UNC45B: variants seen among roughly 807,000 people sequenced by gnomAD.
The protein encoded by UNC45B is protein unc-45 homolog B.
In UNC45B, 78 loss-of-function variants were observed where a neutral mutation model predicts 98.7. The ratio of observed to expected loss-of-function variants is 0.79; its 90% CI spans 0.66 to 0.95. The LOEUF (loss-of-function observed/expected upper bound fraction) is 0.95. Ranked by LOEUF, UNC45B falls within the 40% of genes least tolerant of loss-of-function variation. UNC45B has a pLI of 0.00. For missense variants in UNC45B, 1,225 were observed against 1,184.9 expected (o/e 1.03, Z -0.50); for synonymous variants, 462 against 480.4 (o/e 0.96, Z 0.50).
At chr17:35,175,060 G>GA (rs1555578935) in intron 14 of UNC45B, among the ~76,000 whole-genome samples, 72 of 110,156 alleles carry the variant, frequency 6.5e-4, no homozygotes, top group Non-Finnish European at 1.2e-3. Context: ...AGAAAGGAAA[G>GA]AAGAAAGAAA....
rs2092172688 is a variant in UNC45B at position 35,170,105 on chromosome 17, C to T, written c.1548-9C>T. 3.1e-6 allele frequency: 5 copies of T among 1,605,830 alleles called. No homozygotes were observed. In the African/African-American group the frequency reaches 5.3e-5, roughly 17 times the overall value. On this transcript the variant is annotated splice_polypyrimidine_tract_variant and intron_variant, in intron 11 of 19. Coordinates refer to ENST00000394570, the MANE Select transcript of UNC45B (RefSeq NM_001267052.2). The stretch of plus-strand genomic sequence containing the variant: ...CCCCTTCCCATGTGTGCTCCCTCCT[C>T]ACTTCCAGGTGGCTGTGCAATATGT...
intron 7 of UNC45B, among the ~76,000 whole-genome samples, chr17:35,158,090 G>T (rs1445640680): frequency 6.6e-6 from 1 of 152,098 alleles, no homozygotes; most frequent in Non-Finnish European, 1.5e-5. Flanking sequence ...TGCCCAGGCT[G>T]GTCTCAAACC....
intron 3 of UNC45B, among the ~76,000 whole-genome samples, chr17:35,149,613 C>T (rs1199770953): frequency 3.3e-5 from 5 of 152,188 alleles, no homozygotes; most frequent in African/African-American, 9.7e-5. Context: ...GACAAGGTTT[C>T]GCCATGTTGG....
At chr17:35,177,889 T>A (rs2092247359) in intron 17 of UNC45B, among the ~76,000 whole-genome samples, 1 of 152,036 alleles carries the variant, frequency 6.6e-6, no homozygotes, top group Non-Finnish European at 1.5e-5. Context: ...TTTTCTTTTT[T>A]TCTTTCTTTT....
chr17:35,171,283 C>G, intron 12 of UNC45B, 39 bp from the exon 13 acceptor site: 1 of 1,604,030 alleles, frequency 6.2e-7, no homozygotes, highest in South Asian at 1.1e-5. Context: ...CCTAAAGTTT[C>G]CTTTCTGCTT....
rs778478304 is a variant in UNC45B, at chr17:35,155,464, G to C, written c.808G>C (p.Asp270His). The C allele has an allele frequency of 8.7e-6, 14 of 1,613,798 alleles. No homozygotes were observed. The highest frequency in any genetic ancestry group is 1.2e-5 in the Non-Finnish European group (14 of 1,179,768). Reference protein sequence around the residue: ...HRGKEEALVLDTKKDLKQITS... With the variant: ...HRGKEEALVLHTKKDLKQITS... ...AGGGAAGGAGGAGGCCCTGGTTCTA[G>C]GTAGGAAACATTCTTCAGTTTTGAT... is the stretch of plus-strand genomic sequence containing the variant. The change falls in exon 7 of 20, where the codon GAC (aspartate) becomes CAC (histidine). Residue 270 changes from aspartate to histidine, a missense_variant and splice_region_variant. By Grantham distance (81) the Asp-to-His change is moderately conservative (BLOSUM62 -1). Transcript: ENST00000394570.
In UNC45B at chr17:35,177,576, C is replaced by G; in HGVS notation, c.2221C>G (p.Leu741Val). ...GLQNYEALLG[L>V]TNLSGRSDKL... is the part of the protein sequence containing the mutation. ...TCAGAACTATGAGGCTCTCCTAGGC[C>G]TCACCAACCTGTCTGGGCGGAGTGA... The change falls in exon 17 of 20, where the codon CTC (leucine) becomes GTC (valine). Residue 741 changes from leucine to valine, a missense_variant. Coordinates refer to ENST00000394570, the MANE Select transcript of UNC45B (RefSeq NM_001267052.2). 6.4e-7 allele frequency: 1 copy of G among 1,558,760 alleles called. No homozygotes were observed. The highest frequency in any genetic ancestry group is 8.7e-7 in the Non-Finnish European group (1 of 1,150,454).
Position 35,168,296 on chromosome 17 carries a change from GTGTCAC to G in UNC45B, c.1390_1395del (p.Ser464_Leu465del). Reference sequence around the variant, plus strand: ...CGCCACCTTCATCATCACCAATGGAGTGTCACTGCTCAAACAGATCTACAAGACCAC... The same window carrying G: ...CGCCACCTTCATCATCACCAATGGAGTGCTCAAACAGATCTACAAGACCAC... On this transcript the variant is annotated inframe_deletion, in exon 10 of 20. Coordinates refer to ENST00000394570, the MANE Select transcript of UNC45B (RefSeq NM_001267052.2). 6.7e-7 allele frequency: 1 copy of G among 1,488,298 alleles called. No homozygotes were observed. Among genetic ancestry groups the G allele is most frequent in the South Asian group, 1.4e-5 (1 of 70,692 alleles). 92.2% of individuals were successfully genotyped at this position (1,488,298 alleles called of 1,614,324 possible). A position where few individuals can be genotyped will look rare whatever the true frequency, so the allele number is the denominator to read the frequency against.
At chr17:35,158,841 A>T (rs566421753) in intron 7 of UNC45B, among the ~76,000 whole-genome samples, 238 of 152,308 alleles carry the variant, frequency 1.6e-3, no homozygotes, top group African/African-American at 5.4e-3. Flanking sequence ...CCATCCTAGA[A>T]TGAGAACAAA....
Position 35,186,748 on chromosome 17 carries a change from C to A in UNC45B, c.*189C>A. On this transcript the variant is annotated 3_prime_UTR_variant, in exon 20 of 20. Transcript: ENST00000394570. ...TTGTCCTGACAGAGTTTGGATGTTT[C>A]ACTCTCTCTCTTGCTTCCTGTCTCC... is the stretch of plus-strand genomic sequence containing the variant. The A allele has an allele frequency of 1.7e-6, 1 of 583,726 alleles. No homozygotes were observed. Among genetic ancestry groups the A allele is most frequent in the Non-Finnish European group, 2.8e-6 (1 of 351,178 alleles). The allele number at this position is 583,726 out of a possible 1,614,324, so 36.2% of individuals were successfully genotyped here. A position where few individuals can be genotyped will look rare whatever the true frequency, so the allele number is the denominator to read the frequency against.
intron 4 of UNC45B, among the ~76,000 whole-genome samples, chr17:35,150,947 T>A (rs1371742150): frequency 1.3e-5 from 2 of 151,982 alleles, no homozygotes; most frequent in Non-Finnish European, 2.9e-5. Context: ...GATTCTTGCT[T>A]TGTTGCCCAG....
In UNC45B at chr17:35,177,476, C is replaced by T. The variant is rs1333953277; in HGVS notation, c.2140-19C>T. ...AACAAAGTCCTCACCTGACCAAACCCTTGACCCCTCCCCAACAGGTGTATG... is the reference window on the plus strand; with the variant it reads ...AACAAAGTCCTCACCTGACCAAACCTTTGACCCCTCCCCAACAGGTGTATG... On this transcript the variant is annotated intron_variant, in intron 16 of 19. Coordinates refer to ENST00000394570, the MANE Select transcript of UNC45B (RefSeq NM_001267052.2). The T allele has an allele frequency of 6.5e-7, 1 of 1,546,562 alleles. No homozygotes were observed. The highest frequency in any genetic ancestry group is 2.0e-5 in the Admixed American group (1 of 50,988).
chr17:35,167,964 A>C, intron 9 of UNC45B, 97 bp from the exon 10 acceptor site: 1 of 1,217,600 alleles, frequency 8.2e-7, no homozygotes. Context: ...TGAGTGGTGG[A>C]GCCAGGATGC....
At chr17:35,162,251 C>T (rs1292571687) in intron 8 of UNC45B, among the ~76,000 whole-genome samples, 1 of 152,168 alleles carries the variant, frequency 6.6e-6, no homozygotes, top group African/African-American at 2.4e-5. Flanking sequence ...GGCTGGCATC[C>T]GAAGGAGGGT....
intron 17 of UNC45B, among the ~76,000 whole-genome samples, chr17:35,179,339 T>G (rs562187445): frequency 6.6e-6 from 1 of 152,236 alleles, no homozygotes; most frequent in African/African-American, 2.4e-5. Context: ...AGTTCACTCA[T>G]GATTTGGCTC....
At chr17:35,176,917 G>A (rs1484332987) in intron 15 of UNC45B, 100 bp from the exon 16 acceptor site, 1 of 863,490 alleles carries the variant, frequency 1.2e-6, no homozygotes, top group African/African-American at 1.7e-5. Flanking sequence ...GAATTTTCCT[G>A]GACCTCCCAT....
intron 13 of UNC45B, among the ~76,000 whole-genome samples, chr17:35,173,810 A>G (rs1018632847): frequency 8.1e-5 from 11 of 135,390 alleles, no homozygotes; most frequent in Admixed American, 7.1e-4. Context: ...AGATTAGGCC[A>G]TGGATTTTTT....
In UNC45B at chr17:35,167,991, G is replaced by T. The variant is rs1376125917; in HGVS notation, c.1152-70G>T. On this transcript the variant is annotated intron_variant, in intron 9 of 19. Transcript: ENST00000394570. Reference sequence around the variant, plus strand: ...CCAGGATGCAAATCCAAATCCTACTGCCTCCAAATCTCACACTCTTTCCAC... The same window carrying T: ...CCAGGATGCAAATCCAAATCCTACTTCCTCCAAATCTCACACTCTTTCCAC... 8.1e-6 allele frequency: 11 copies of T among 1,361,160 alleles called. No homozygotes were observed. In the Admixed American group the frequency reaches 3.1e-4, roughly 38 times the overall value. 84.3% of individuals were successfully genotyped at this position (1,361,160 alleles called of 1,614,324 possible). A position where few individuals can be genotyped will look rare whatever the true frequency, so the allele number is the denominator to read the frequency against.
Position 35,148,135 on chromosome 17 carries a change from C to T in UNC45B, c.1-129C>T, listed in dbSNP as rs143497412. 4.8e-3 allele frequency: 5,052 copies of T among 1,059,116 alleles called. 148 individuals carry two copies. The South Asian group carries it at 0.054, about 11-fold the overall frequency. 65.6% of individuals were successfully genotyped at this position (1,059,116 alleles called of 1,614,324 possible). A position where few individuals can be genotyped will look rare whatever the true frequency, so the allele number is the denominator to read the frequency against. On this transcript the variant is annotated intron_variant, in intron 1 of 19. Transcript: ENST00000394570. ...ATTTGGGGGTTCTGGGGGTGGGTCC[C>T]TTCCAGGCAGAATCCCCACCATCCT...
Sources: gnomAD v4.1 joint callset for allele counts (sites outside exome capture counted in the v4.1 genomes callset) on GRCh38, gnomAD v4.1.1 for gene constraint, MANE v1.5 for transcripts, NCBI Gene and HGNC (gene_info 2026-07-23, HGNC 2026-07-21) for gene names.